CSMD1: variants seen among roughly 807,000 people sequenced by gnomAD.
The protein encoded by CSMD1 is CUB and Sushi multiple domains 1.
A neutral mutation model predicts 417.5 loss-of-function variants in CSMD1; 213 were observed. The observed-to-expected ratio is 0.51, with a 90% CI of 0.46 to 0.57. The LOEUF is 0.57. CSMD1 is among the 20% of genes least tolerant of loss of function. The probability of loss-of-function intolerance (pLI) is 0.00; values close to 1 mark genes in which losing one functional copy is unlikely to be tolerated. For synonymous variants in CSMD1, 2,862 were observed against 1,736.8 expected (o/e 1.65, Z -16.11); for missense variants, 6,923 against 4,529.7 (o/e 1.53, Z -15.17).
intron 10 of CSMD1, among the ~76,000 whole-genome samples, chr8:3,520,473 G>C (rs1044432069): frequency 1.3e-5 from 2 of 152,236 alleles, no homozygotes; most frequent in South Asian, 2.1e-4. Flanking sequence ...ACTATTGCTA[G>C]ACTGTAGTCA....
At chr8:4,586,275 A>G (rs1381042564) in intron 2 of CSMD1, among the ~76,000 whole-genome samples, 1 of 152,240 alleles carries the variant, frequency 6.6e-6, no homozygotes, top group East Asian at 1.9e-4. Context: ...ACTGTATTTT[A>G]GTACCCATCA....
intron 30 of CSMD1, among the ~76,000 whole-genome samples, chr8:3,206,091 C>T (rs1316845576): frequency 2.6e-5 from 4 of 152,060 alleles, no homozygotes; most frequent in Admixed American, 2.0e-4. Flanking sequence ...AACGTTTCAT[C>T]TTATAGTTTC....
At chr8:3,183,753 C>G (rs977191346) in intron 36 of CSMD1, among the ~76,000 whole-genome samples, 1 of 152,248 alleles carries the variant, frequency 6.6e-6, no homozygotes, top group Non-Finnish European at 1.5e-5. Context: ...AAAGCTTCCT[C>G]TTTCTCCATG....
chr8:4,952,762 T>C (rs1401983429), intron 1 of CSMD1, among the ~76,000 whole-genome samples: 1 of 152,164 alleles, frequency 6.6e-6, no homozygotes, highest in Non-Finnish European at 1.5e-5. Context: ...TGAAATTTCC[T>C]GTAATTTCAA....
intron 3 of CSMD1, among the ~76,000 whole-genome samples, chr8:4,376,896 T>C (rs1378417415): frequency 6.6e-6 from 1 of 152,212 alleles, no homozygotes; most frequent in Non-Finnish European, 1.5e-5. Flanking sequence ...GGATTTTGTA[T>C]TTTGGACACA....
intron 3 of CSMD1, among the ~76,000 whole-genome samples, chr8:4,038,703 G>A (rs1797739551): frequency 1.3e-5 from 2 of 152,110 alleles, no homozygotes; most frequent in African/African-American, 2.4e-5. Flanking sequence ...GATGCTTCAA[G>A]AAAGCAATAC....
In CSMD1 at chr8:4,272,686, A is replaced by G. The variant is rs147469087; in HGVS notation, c.415+147267T>C. 2.6e-3 allele frequency among the ~76,000 whole-genome samples: 403 copies of G among 152,290 alleles called. 3 individuals carry two copies. The highest frequency in any genetic ancestry group is 9.2e-3 in the African/African-American group (384 of 41,548). On this transcript the variant is annotated intron_variant, in intron 3 of 69. Transcript: ENST00000635120. ...AACCGACTGTAGATGAACATAAAATATATTTGGAAGACTGTACATTTTCAT... is the reference window on the plus strand; with the variant it reads ...AACCGACTGTAGATGAACATAAAATGTATTTGGAAGACTGTACATTTTCAT...
chr8:3,525,545 C>T (rs1055573576), intron 10 of CSMD1, among the ~76,000 whole-genome samples: 4 of 152,116 alleles, frequency 2.6e-5, no homozygotes, highest in African/African-American at 9.7e-5. Flanking sequence ...TTGGTGAAAG[C>T]GATTGCCTCT....
intron 6 of CSMD1, among the ~76,000 whole-genome samples, chr8:3,717,912 C>G (rs2623557): frequency 1.3e-5 from 2 of 151,888 alleles, no homozygotes. Context: ...TTTGCTAGAA[C>G]TAGAATTCTT....
chr8:3,410,091 T>C (rs955675400), intron 12 of CSMD1, among the ~76,000 whole-genome samples: 2 of 152,236 alleles, frequency 1.3e-5, no homozygotes, highest in African/African-American at 4.8e-5. Context: ...GCAGAATGAA[T>C]AACAGTTTGG....
At chr8:3,885,493 C>G (rs183936277) in intron 5 of CSMD1, among the ~76,000 whole-genome samples, 6 of 152,218 alleles carry the variant, frequency 3.9e-5, no homozygotes, top group African/African-American at 1.4e-4. Context: ...AAAATAAACT[C>G]TCGAAAAATG....
chr8:3,213,419 A>G (rs1797721750), intron 30 of CSMD1, among the ~76,000 whole-genome samples: 1 of 152,072 alleles, frequency 6.6e-6, no homozygotes, highest in African/African-American at 2.4e-5. Context: ...CTAGGTGAAG[A>G]TATGCACCCT....
At chr8:4,356,617 A>G (rs73506696) in intron 3 of CSMD1, among the ~76,000 whole-genome samples, 3,358 of 152,102 alleles carry the variant, frequency 0.022, 132 homozygotes, top group African/African-American at 0.077. Flanking sequence ...GGCTGTTTTC[A>G]CTGTGTCTGC....
intron 5 of CSMD1, among the ~76,000 whole-genome samples, chr8:3,886,612 G>C (rs567481158): frequency 2.3e-4 from 35 of 152,200 alleles, no homozygotes; most frequent in Middle Eastern, 3.4e-3. Context: ...AGTCAGATTT[G>C]GCCCATAGGC....
chr8:3,882,364 C>T (rs1360193419), intron 5 of CSMD1, among the ~76,000 whole-genome samples: 4 of 152,128 alleles, frequency 2.6e-5, no homozygotes, highest in Non-Finnish European at 5.9e-5. Flanking sequence ...ATACTGCATC[C>T]CCACTAGAAT....
chr8:4,332,598 C>G (rs1402279339), intron 3 of CSMD1, among the ~76,000 whole-genome samples: 2 of 99,596 alleles, frequency 2.0e-5, no homozygotes, highest in Admixed American at 8.5e-5. Flanking sequence ...CACACACACA[C>G]ACACACACAG....
intron 3 of CSMD1, among the ~76,000 whole-genome samples, chr8:4,310,873 T>G (rs7843279): frequency 0.63 from 95,202 of 152,018 alleles, 30,769 homozygotes; most frequent in East Asian, 0.86. Flanking sequence ...AAAGAAAACT[T>G]ACATGTGGCC....
At chr8:4,398,831 A>C (rs1267180948) in intron 3 of CSMD1, among the ~76,000 whole-genome samples, 1 of 152,186 alleles carries the variant, frequency 6.6e-6, no homozygotes, top group Non-Finnish European at 1.5e-5. Context: ...TTTCTTTTCA[A>C]GGTCTTTTTA....
At chr8:4,313,783 A>G (rs1466738213) in intron 3 of CSMD1, among the ~76,000 whole-genome samples, 2 of 152,086 alleles carry the variant, frequency 1.3e-5, no homozygotes, top group Non-Finnish European at 2.9e-5. Context: ...TGGGAGGCCA[A>G]GGCAGGCGGA....
Sources: allele counts gnomAD v4.1 joint callset (sites outside exome capture counted in the v4.1 genomes callset), GRCh38; gene constraint gnomAD v4.1.1; transcripts MANE v1.5; gene names NCBI Gene and HGNC (gene_info 2026-07-23, HGNC 2026-07-21).